Variants in PVT1 observed in about 807,000 individuals in gnomAD.
PVT1 encodes Pvt1 oncogene.
chr8:127,957,631 G>T (rs140932377), intron 3 of PVT1, among the ~76,000 whole-genome samples: 8 of 152,016 alleles, frequency 5.3e-5, no homozygotes, highest in African/African-American at 1.9e-4. Flanking sequence ...TGGGGGACAT[G>T]GTCTTCATTT....
At chr8:127,854,178 G>A (rs999707534) in intron 2 of PVT1, among the ~76,000 whole-genome samples, 2 of 152,218 alleles carry the variant, frequency 1.3e-5, no homozygotes, top group Non-Finnish European at 2.9e-5. Flanking sequence ...TTACCCTGGC[G>A]CAGGGACAGG....
chr8:127,881,305 ACT>A (rs1815463873), intron 2 of PVT1, among the ~76,000 whole-genome samples: 1 of 151,390 alleles, frequency 6.6e-6, no homozygotes, highest in Non-Finnish European at 1.5e-5. Context: ...GTGCCGGAGC[ACT>A]CTCTATACAT....
Position 128,086,079 on chromosome 8 carries a change from G to A in PVT1, n.1115-10439G>A, listed in dbSNP as rs139203116. ...GAGCCAAAATGTATTTTGCAAAAGGGATGAAGTCAGATCCCTAAATCTGGC... is the reference window on the plus strand; with the variant it reads ...GAGCCAAAATGTATTTTGCAAAAGGAATGAAGTCAGATCCCTAAATCTGGC... On this transcript the variant is annotated intron_variant and non_coding_transcript_variant, in intron 5 of 10. Coordinates refer to ENST00000651587, the Ensembl canonical transcript of PVT1. Among the ~76,000 whole-genome samples, 168 of 152,342 alleles carry A rather than the reference G, an allele frequency of 1.1e-3. 2 individuals are homozygous for A. The highest frequency in any genetic ancestry group is 3.9e-3 in the African/African-American group (162 of 41,574).
intron 5 of PVT1, among the ~76,000 whole-genome samples, chr8:128,073,833 C>A (rs1814043048): frequency 6.7e-6 from 1 of 148,846 alleles, no homozygotes; most frequent in Admixed American, 6.7e-5. Flanking sequence ...GAGAAAACTG[C>A]TAGTCAGAGA....
intron 3 of PVT1, among the ~76,000 whole-genome samples, chr8:127,954,356 G>A (rs906995798): frequency 2.7e-5 from 4 of 147,030 alleles, no homozygotes; most frequent in African/African-American, 7.6e-5. Context: ...GTGCAGTGGC[G>A]CCATCTCGGT....
intron 3 of PVT1, among the ~76,000 whole-genome samples, chr8:127,936,013 C>G (rs979998449): frequency 6.9e-6 from 1 of 144,208 alleles, no homozygotes; most frequent in Non-Finnish European, 1.5e-5. Context: ...GTTGGACAAA[C>G]AGTGTCTTCT....
chr8:127,895,898 T>G (rs1586425985), intron 3 of PVT1, among the ~76,000 whole-genome samples: 1 of 152,216 alleles, frequency 6.6e-6, no homozygotes, highest in East Asian at 1.9e-4. Context: ...AATATGTAAA[T>G]GAGTGGGTGT....
At chr8:127,909,354 A>G (rs1472432311) in intron 3 of PVT1, among the ~76,000 whole-genome samples, 2 of 152,210 alleles carry the variant, frequency 1.3e-5, no homozygotes, top group Non-Finnish European at 2.9e-5. Flanking sequence ...ACTACAGGAA[A>G]ACAGTAGGCA....
chr8:127,945,485 G>A (rs182574216), intron 3 of PVT1, among the ~76,000 whole-genome samples: 6 of 152,262 alleles, frequency 3.9e-5, no homozygotes, highest in South Asian at 2.1e-4. Flanking sequence ...TCTCATGGGG[G>A]TGATGCCATT....
intron 2 of PVT1, among the ~76,000 whole-genome samples, chr8:127,878,563 C>T (rs751908428): frequency 1.3e-5 from 2 of 152,126 alleles, no homozygotes; most frequent in Non-Finnish European, 2.9e-5. Context: ...TCCTCTTTCC[C>T]TTCCCTGCCA....
chr8:128,024,876 T>C (rs762712638), intron 4 of PVT1, among the ~76,000 whole-genome samples: 7 of 152,344 alleles, frequency 4.6e-5, no homozygotes, highest in East Asian at 1.9e-4. Flanking sequence ...TTCATTCATT[T>C]ATTTTTATAG....
intron 2 of PVT1, among the ~76,000 whole-genome samples, chr8:127,840,301 GA>G (rs1218722825): frequency 6.6e-5 from 10 of 152,322 alleles, no homozygotes; most frequent in African/African-American, 2.4e-4. Context: ...TGCTGAGGAG[GA>G]AAAGGCCCTT....
intron 3 of PVT1, among the ~76,000 whole-genome samples, chr8:127,958,851 C>T (rs1324483827): frequency 6.6e-6 from 1 of 152,158 alleles, no homozygotes; most frequent in Non-Finnish European, 1.5e-5. Flanking sequence ...GAGCCATGTG[C>T]CAGGCCTGGT....
At chr8:128,037,348 T>C (rs376031825) in intron 4 of PVT1, among the ~76,000 whole-genome samples, 2 of 152,270 alleles carry the variant, frequency 1.3e-5, no homozygotes, top group East Asian at 3.8e-4. Flanking sequence ...CTATAATTTA[T>C]GTGTTTAATG....
intron 5 of PVT1, among the ~76,000 whole-genome samples, chr8:128,075,499 G>A (rs759730880): frequency 6.6e-6 from 1 of 151,154 alleles, no homozygotes; most frequent in Non-Finnish European, 1.5e-5. Flanking sequence ...CATTCATTTC[G>A]GAAAAATTAA....
rs117806684 is a variant in PVT1 at position 127,900,972 on chromosome 8, G to A, written n.782+9974G>A. Among the ~76,000 whole-genome samples the A allele has an allele frequency of 7.2e-3, 1,093 of 152,324 alleles. 4 individuals are homozygous for A. The highest frequency in any genetic ancestry group is 0.011 in the Non-Finnish European group (743 of 68,022). The stretch of plus-strand genomic sequence containing the variant: ...AATTCTGGAAGGGGACAAGGCAAGT[G>A]CCAGGGCAGGTCCAGAGTCTGGGTG... On this transcript the variant is annotated intron_variant and non_coding_transcript_variant, in intron 3 of 10. Coordinates refer to ENST00000651587, the Ensembl canonical transcript of PVT1.
intron 4 of PVT1, among the ~76,000 whole-genome samples, chr8:128,059,364 G>T (rs1041010778): frequency 3.3e-5 from 5 of 152,156 alleles, no homozygotes; most frequent in Non-Finnish European, 7.4e-5. Flanking sequence ...TCCACCAGGG[G>T]TGGTCAAACT....
chr8:128,022,853 C>G (rs1287876725), intron 4 of PVT1, among the ~76,000 whole-genome samples: 1 of 146,730 alleles, frequency 6.8e-6, no homozygotes, highest in Non-Finnish European at 1.5e-5. Flanking sequence ...AAACATGACG[C>G]AAGCTGAGAT....
At chr8:127,964,110 C>T (rs1816677672) in intron 3 of PVT1, among the ~76,000 whole-genome samples, 1 of 152,178 alleles carries the variant, frequency 6.6e-6, no homozygotes, top group Non-Finnish European at 1.5e-5. Context: ...GAGCGTCCTT[C>T]CAGGACAAGC....
Sources: allele counts gnomAD v4.1 joint callset (sites outside exome capture counted in the v4.1 genomes callset), GRCh38; gene constraint gnomAD v4.1.1; transcripts MANE v1.5; gene names NCBI Gene and HGNC (gene_info 2026-07-23, HGNC 2026-07-21).